The following USF3 variants were observed in gnomAD, a reference collection of about 807,000 sequenced individuals.
The protein encoded by USF3 is upstream transcription factor family member 3.
In USF3, 29 loss-of-function variants were observed where a neutral mutation model predicts 157.5. The observed-to-expected ratio is 0.18, with a 90% CI of 0.14 to 0.25. USF3 has a LOEUF of 0.25. USF3 is among the 10% of genes least tolerant of loss of function. The probability of loss-of-function intolerance (pLI) is 1.00; values close to 1 mark genes in which losing one functional copy is unlikely to be tolerated. For synonymous variants in USF3, 893 were observed against 941.4 expected (o/e 0.95, Z 0.94); for missense variants, 2,381 against 2,667.6 (o/e 0.89, Z 2.37).
intron 6 of USF3, among the ~76,000 whole-genome samples, 153 bp from the exon 7 acceptor site, chr3:113,661,578 T>A (rs1344563022): frequency 6.6e-6 from 1 of 152,212 alleles, no homozygotes; most frequent in Non-Finnish European, 1.5e-5. Flanking sequence ...ATACAACTTC[T>A]TTTTTCTTTT....
chr3:113,694,416 C>T (rs1707758187), intron 1 of USF3, among the ~76,000 whole-genome samples: 1 of 152,196 alleles, frequency 6.6e-6, no homozygotes, highest in East Asian at 1.9e-4. Flanking sequence ...TTTACTTCCA[C>T]GATGTTCCAT....
In USF3 at chr3:113,650,226, A is replaced by G. The variant is rs558915018; in HGVS notation, c.*4718T>C. The G allele has an allele frequency of 4.4e-5, 9 of 203,178 alleles. No individual in the cohort carries two copies. The highest frequency in any genetic ancestry group is 6.9e-5 in the African/African-American group (3 of 43,238). The allele number at this position is 203,178 out of a possible 1,614,324, so 12.6% of individuals were successfully genotyped here. A position where few individuals can be genotyped will look rare whatever the true frequency, so the allele number is the denominator to read the frequency against. ...GCCCTTTCATTCTTCACAGGAAAAAACAAGGCCAACCAAACCAAGGGACAG... is the reference window on the plus strand; with the variant it reads ...GCCCTTTCATTCTTCACAGGAAAAAGCAAGGCCAACCAAACCAAGGGACAG... On this transcript the variant is annotated 3_prime_UTR_variant, in exon 7 of 7. Coordinates refer to ENST00000316407, the MANE Select transcript of USF3 (RefSeq NM_001009899.4).
intron 3 of USF3, among the ~76,000 whole-genome samples, chr3:113,674,220 A>G (rs1278678571): frequency 2.0e-5 from 3 of 152,264 alleles, no homozygotes; most frequent in African/African-American, 7.2e-5. Context: ...AGGATATACA[A>G]AAATTAATAC....
At position 113,661,285 on chromosome 3, in the gene USF3, T is replaced by C. The variant is rs773007431; in HGVS notation, c.397A>G (p.Lys133Glu). Residue 133 changes from lysine to glutamate, a missense_variant, in exon 7 of 7, where the codon AAG becomes GAG. Lys to Glu is a moderately conservative substitution (Grantham distance 56, BLOSUM62 1). Coordinates refer to ENST00000316407, the MANE Select transcript of USF3 (RefSeq NM_001009899.4). The stretch of plus-strand genomic sequence containing the variant: ...TCACTAGGAATAACAACAGAGACCT[T>C]TGAGTTTTTAAGATTTCCTTTCCAG... ...IHWKGNLKNS[K>E]VSVVIPSDQV... 5 of 1,614,128 alleles carry C rather than the reference T, an allele frequency of 3.1e-6. No homozygotes were observed. The highest frequency in any genetic ancestry group is 2.2e-5 in the East Asian group (1 of 44,892).
Position 113,660,807 on chromosome 3 carries a change from A to G in USF3, c.875T>C (p.Val292Ala), listed in dbSNP as rs537304460. ...AACACAAGGGGTCATTTTCTTCAAT[A>G]CTTTGGGGTTCTCTTGTCCATTCTT... is the stretch of plus-strand genomic sequence containing the variant. ...ENKNGQENPK[V>A]LKKMTPCVTN... Residue 292 changes from valine (V) to alanine (A), a missense_variant, in exon 7 of 7, where the codon GTA becomes GCA. Around this residue, in one of 6 missense-constraint regions of USF3, gnomAD observed 1,435 missense variants for 1,550.9 expected, o/e 0.93. Transcript: ENST00000316407. 6.2e-7 allele frequency: 1 copy of G among 1,614,100 alleles called. No individual in the cohort carries two copies. The highest frequency in any genetic ancestry group is 2.2e-5 in the East Asian group (1 of 44,886).
intron 1 of USF3, among the ~76,000 whole-genome samples, chr3:113,687,095 G>T (rs1481569043): frequency 6.6e-6 from 1 of 152,090 alleles, no homozygotes; most frequent in Admixed American, 6.5e-5. Context: ...ACTTATATCA[G>T]TATGGACTCA....
intron 5 of USF3, 93 bp downstream of exon 5, chr3:113,670,028 G>A: frequency 1.2e-6 from 1 of 804,228 alleles, no homozygotes; most frequent in South Asian, 1.5e-5. Flanking sequence ...CATAGAAATA[G>A]AAAGCAACAA....
Position 113,658,494 on chromosome 3 carries a change from T to C in USF3, c.3188A>G (p.Gln1063Arg). The change falls in exon 7 of 7, where the codon CAG (glutamine) becomes CGG (arginine). Residue 1063 changes from glutamine to arginine, a missense_variant. By Grantham distance (43) the Gln-to-Arg change is conservative. This residue lies in a region of USF3 where 1,435 missense variants were observed against 1,550.9 expected (regional missense o/e 0.93). Transcript: ENST00000316407. ...LMNNDDRDPP[Q>R]HHSCLPDQEV... is the part of the protein sequence containing the mutation. ...TTGATCAGGGAGGCAGGAATGATGC[T>C]GTGGAGGATCTCTATCATCATTGTT... The C allele has an allele frequency of 6.2e-7, 1 of 1,614,104 alleles. No homozygotes were observed. Among genetic ancestry groups the C allele is most frequent in the Non-Finnish European group, 8.5e-7 (1 of 1,179,950 alleles).
At chr3:113,688,479 G>C (rs894127068) in intron 1 of USF3, among the ~76,000 whole-genome samples, 10 of 152,138 alleles carry the variant, frequency 6.6e-5, no homozygotes, top group Non-Finnish European at 1.3e-4. Context: ...ATTACTCCTA[G>C]AGCAGTGGTT....
At chr3:113,678,427 T>C (rs753545827) in intron 1 of USF3, among the ~76,000 whole-genome samples, 4 of 152,090 alleles carry the variant, frequency 2.6e-5, no homozygotes, top group Non-Finnish European at 4.4e-5. Flanking sequence ...AAGTAAACAT[T>C]CTCTGCACTC....
rs368651606 is a variant in USF3 at position 113,658,107 on chromosome 3, G to T, written c.3575C>A (p.Thr1192Lys). The change falls in exon 7 of 7, where the codon ACA becomes AAA. Residue 1192 changes from threonine to lysine, a missense_variant. Around this residue, in one of 6 missense-constraint regions of USF3, gnomAD observed 1,435 missense variants for 1,550.9 expected, o/e 0.93. Coordinates refer to ENST00000316407, the MANE Select transcript of USF3 (RefSeq NM_001009899.4). The stretch of plus-strand genomic sequence containing the variant: ...ACCCTGAGAATTAAATTCATTTGGT[G>T]TTGCTTCTGCCTGTCCTGTGCCACT... ...KESGTGQAEA[T>K]PNEFNSQGSI... is the part of the protein sequence containing the mutation. The T allele has an allele frequency of 3.1e-6, 5 of 1,614,016 alleles. No homozygotes were observed. Among genetic ancestry groups the T allele is most frequent in the Non-Finnish European group, 4.2e-6 (5 of 1,180,034 alleles).
Position 113,656,164 on chromosome 3 carries a change from A to G in USF3, c.5518T>C (p.Ser1840Pro). ...CACTGTGTATTCCTCTGATGTTCTGAGAGTGACCTCTGGCTCCCAATGACC... is the reference window on the plus strand; with the variant it reads ...CACTGTGTATTCCTCTGATGTTCTGGGAGTGACCTCTGGCTCCCAATGACC... ...DQVIGSQRSL[S>P]EHQRNTQCGP... The change falls in exon 7 of 7, where the codon TCA becomes CCA. Residue 1840 changes from serine (S) to proline (P), a missense_variant. By Grantham distance (74) the Ser-to-Pro change is moderately conservative. Coordinates refer to ENST00000316407, the MANE Select transcript of USF3 (RefSeq NM_001009899.4). 1 of 1,614,134 alleles carries G rather than the reference A, an allele frequency of 6.2e-7. No homozygotes were observed. Among genetic ancestry groups the G allele is most frequent in the Non-Finnish European group, 8.5e-7 (1 of 1,180,026 alleles).
rs1947216289 is a variant in USF3 at position 113,649,116 on chromosome 3, A to C, written c.*5828T>G. On this transcript the variant is annotated 3_prime_UTR_variant, in exon 7 of 7. Coordinates refer to ENST00000316407, the MANE Select transcript of USF3 (RefSeq NM_001009899.4). ...AGGGGTGGGAGCACAGAGAAGTCTTAGAAAAGTGAAGGGATTTAGATACAT... is the reference window on the plus strand; with the variant it reads ...AGGGGTGGGAGCACAGAGAAGTCTTCGAAAAGTGAAGGGATTTAGATACAT... The C allele has an allele frequency of 6.6e-6, 1 of 152,530 alleles. No individual in the cohort carries two copies. The highest frequency in any genetic ancestry group is 2.1e-4 in the South Asian group (1 of 4,836). The allele number at this position is 152,530 out of a possible 1,614,324, so 9.4% of individuals were successfully genotyped here.
chr3:113,664,358 T>C lies in USF3; in HGVS notation c.211A>G (p.Arg71Gly). 6.2e-7 allele frequency: 1 copy of C among 1,609,840 alleles called. No individual in the cohort carries two copies. Among genetic ancestry groups the C allele is most frequent in the South Asian group, 1.1e-5 (1 of 90,554 alleles). The change falls in exon 6 of 7, where the codon AGG becomes GGG. Residue 71 changes from arginine to glycine, a missense_variant. Physicochemically the swap from Arg to Gly is moderately radical, Grantham distance 125. This residue lies in a region of USF3 where 105 missense variants were observed against 158.6 expected (regional missense o/e 0.66). Coordinates refer to ENST00000316407, the MANE Select transcript of USF3 (RefSeq NM_001009899.4). The part of the protein sequence containing the change: ...QAFKYITELK[R>G]QNDELLLNGG... ...TTAAGCAGGAGTTCATCATTTTGCC[T>C]TTTCAATTCTGTTATATATTTAAAG...
Position 113,656,464 on chromosome 3 carries a change from T to C in USF3, c.5218A>G (p.Ser1740Gly). ...RLSDCQTFKPSGASQQPQSNF... is the reference protein window; with the variant it reads ...RLSDCQTFKPGGASQQPQSNF... ...CTCTGGGGCTGTTGACTAGCTCCAC[T>C]TGGTTTAAACGTCTGACAATCAGAA... is the stretch of plus-strand genomic sequence containing the variant. The change falls in exon 7 of 7, where the codon AGT becomes GGT. Residue 1740 changes from serine to glycine, a missense_variant. By Grantham distance (56) the Ser-to-Gly change is moderately conservative. Coordinates refer to ENST00000316407, the MANE Select transcript of USF3 (RefSeq NM_001009899.4). 1 of 1,614,204 alleles carries C rather than the reference T, an allele frequency of 6.2e-7. No homozygotes were observed. The highest frequency in any genetic ancestry group is 1.3e-5 in the African/African-American group (1 of 75,056).
chr3:113,688,157 C>T (rs1039684803), intron 1 of USF3, among the ~76,000 whole-genome samples: 1 of 151,488 alleles, frequency 6.6e-6, no homozygotes, highest in African/African-American at 2.4e-5. Flanking sequence ...CTCACCCTGT[C>T]GCCCAAACTG....
In USF3 at chr3:113,659,321, C is replaced by T. The variant is rs770906113; in HGVS notation, c.2361G>A (p.Leu787=). The change falls in exon 7 of 7, where the codon TTG becomes TTA. Residue 787 remains leucine (L), a synonymous_variant. Coordinates refer to ENST00000316407, the MANE Select transcript of USF3 (RefSeq NM_001009899.4). ...STSSMNTVAC[L]PNMKSKRLNK... Reference sequence around the variant, plus strand: ...TCAACCTTTTAGATTTCATGTTAGGCAAACAAGCAACAGTGTTCATTGAGG... The same window carrying T: ...TCAACCTTTTAGATTTCATGTTAGGTAAACAAGCAACAGTGTTCATTGAGG... 1 of 1,614,182 alleles carries T rather than the reference C, an allele frequency of 6.2e-7. No individual in the cohort carries two copies. Among genetic ancestry groups the T allele is most frequent in the Non-Finnish European group, 8.5e-7 (1 of 1,180,036 alleles).
chr3:113,674,504 A>G (rs1016280655), intron 3 of USF3, among the ~76,000 whole-genome samples: 5 of 152,050 alleles, frequency 3.3e-5, no homozygotes, highest in Admixed American at 3.3e-4. Context: ...CACCATACCC[A>G]GCTAATTTTT....
chr3:113,649,481 CAGG>C lies in USF3; in HGVS notation c.*5460_*5462del, dbSNP rs2107906408. The C allele has an allele frequency of 4.8e-6, 1 of 209,798 alleles. No individual in the cohort carries two copies. Among genetic ancestry groups the C allele is most frequent in the Non-Finnish European group, 9.4e-6 (1 of 106,166 alleles). 13.0% of individuals were successfully genotyped at this position (209,798 alleles called of 1,614,324 possible). A position where few individuals can be genotyped will look rare whatever the true frequency, so the allele number is the denominator to read the frequency against. ...CACCACATACAAGCTCTGAGTTTAA[CAGG>C]AGTTTTGCTACTAGGTTTTTTTTTT... On this transcript the variant is annotated 3_prime_UTR_variant, in exon 7 of 7. Transcript: ENST00000316407.
Sources: allele counts gnomAD v4.1 joint callset (sites outside exome capture counted in the v4.1 genomes callset), GRCh38; gene constraint gnomAD v4.1.1; regional missense constraint gnomAD v4.1.1; transcripts MANE v1.5; gene names NCBI Gene and HGNC (gene_info 2026-07-23, HGNC 2026-07-21).